The following CLPSL1 variants were observed in gnomAD, a reference collection of about 807,000 sequenced individuals.
CLPSL1 encodes colipase like 1, also known as colipase-like protein 1.
CLPSL1 carries 13 observed loss-of-function variants against 9.3 expected under a neutral mutation model. The ratio of observed to expected loss-of-function variants is 1.40; its 90% confidence interval spans 0.91 to 2.22. CLPSL1 has a LOEUF of 2.22. CLPSL1 is among the 30% of genes most tolerant of loss of function. The pLI is 0.00. For missense variants in CLPSL1, 164 were observed against 146.6 expected (o/e 1.12, Z -0.61); for synonymous variants, 58 against 56.9 (o/e 1.02, Z -0.08).
At chr6:35,781,839 G>A (rs1337615151) in intron 1 of CLPSL1, among the ~76,000 whole-genome samples, 1 of 151,108 alleles carries the variant, frequency 6.6e-6, no homozygotes, top group Non-Finnish European at 1.5e-5. Flanking sequence ...TTAGCCTCCT[G>A]AGTTCAAGCG....
chr6:35,782,494 G>C (rs1361082452), intron 1 of CLPSL1, among the ~76,000 whole-genome samples: 2 of 152,336 alleles, frequency 1.3e-5, no homozygotes, highest in Admixed American at 1.3e-4. Flanking sequence ...TGATTTCAGA[G>C]AGTCATAAGT....
At position 35,788,109 on chromosome 6, in the gene CLPSL1, G is replaced by T. The variant is rs1331390265; in HGVS notation, c.*99G>T. ...TTCCCCAGAGCCTCCACCATGAGTGGAGGGAAGTGGGGAGTGATTGAAATA... is the reference window on the plus strand; with the variant it reads ...TTCCCCAGAGCCTCCACCATGAGTGTAGGGAAGTGGGGAGTGATTGAAATA... On this transcript the variant is annotated 3_prime_UTR_variant, in exon 3 of 3. Transcript: ENST00000373861. The T allele has an allele frequency of 1.0e-6, 1 of 958,504 alleles. No individual in the cohort carries two copies. Among genetic ancestry groups the T allele is most frequent in the East Asian group, 3.0e-5 (1 of 32,826 alleles). 59.4% of individuals were successfully genotyped at this position (958,504 alleles called of 1,614,324 possible).
downstream of CLPSL1, among the ~76,000 whole-genome samples, chr6:35,791,992 A>G (rs1370027818): frequency 6.6e-6 from 1 of 151,054 alleles, no homozygotes; most frequent in Non-Finnish European, 1.5e-5. Flanking sequence ...AGGCTGATTC[A>G]GGAGAATTGC....
At chr6:35,790,926 C>A (rs373163522), downstream of CLPSL1, among the ~76,000 whole-genome samples, 5,073 of 151,098 alleles carry the variant, frequency 0.034, 10 homozygotes, top group Middle Eastern at 0.071. Context: ...CACGTGTAGT[C>A]CTAGCTACTT....
At chr6:35,790,764 G>A (rs950478200), downstream of CLPSL1, among the ~76,000 whole-genome samples, 28 of 152,246 alleles carry the variant, frequency 1.8e-4, no homozygotes, top group Non-Finnish European at 4.0e-4. Context: ...CCTGGGAGGG[G>A]GATTTATGAC....
intron 1 of CLPSL1, among the ~76,000 whole-genome samples, chr6:35,783,528 T>C (rs1457713572): frequency 6.7e-6 from 1 of 149,326 alleles, no homozygotes; most frequent in African/African-American, 2.5e-5. Flanking sequence ...AAAGGGGGGC[T>C]GGGCGCGGTG....
intron 1 of CLPSL1, among the ~76,000 whole-genome samples, chr6:35,784,758 T>C (rs1768035175): frequency 6.6e-6 from 1 of 152,182 alleles, no homozygotes. Flanking sequence ...GTATCTGAGT[T>C]ATTGGCAATG....
chr6:35,788,704 A>T (rs1768137345), downstream of CLPSL1, among the ~76,000 whole-genome samples: 1 of 152,258 alleles, frequency 6.6e-6, no homozygotes, highest in Admixed American at 6.5e-5. Flanking sequence ...GGAAGGAAGG[A>T]AGGAAGGAGA....
downstream of CLPSL1, chr6:35,793,719 C>T (rs1336671085): frequency 2.5e-6 from 1 of 400,346 alleles, no homozygotes; most frequent in Non-Finnish European, 5.1e-6. Context: ...GCAATCCTAA[C>T]TCATAAGCCT....
chr6:35,785,026 T>C (rs1311513417), intron 1 of CLPSL1, among the ~76,000 whole-genome samples: 4 of 152,120 alleles, frequency 2.6e-5, no homozygotes, highest in African/African-American at 9.7e-5. Context: ...TGTGCCTCTC[T>C]CCCCTGATTC....
At chr6:35,791,306 G>GT (rs1768203798), downstream of CLPSL1, among the ~76,000 whole-genome samples, 2 of 150,652 alleles carry the variant, frequency 1.3e-5, no homozygotes, top group South Asian at 2.1e-4. Context: ...TGAAAATATC[G>GT]TAAGTTGAAA....
chr6:35,790,686 T>A (rs1210246389), downstream of CLPSL1, among the ~76,000 whole-genome samples: 1 of 152,264 alleles, frequency 6.6e-6, no homozygotes, highest in Non-Finnish European at 1.5e-5. Context: ...GTGACCTGAC[T>A]GTTTAGGTGT....
rs780209873 is a variant in CLPSL1 at position 35,781,140 on chromosome 6, G to A, written c.30G>A (p.Leu10=). 4 of 1,614,044 alleles carry A rather than the reference G, an allele frequency of 2.5e-6. No individual in the cohort carries two copies. The South Asian group carries it at 3.3e-5, about 13-fold the overall frequency. Residue 10 remains leucine, a synonymous_variant, in exon 1 of 3, where the codon CTG becomes CTA. Coordinates refer to ENST00000373861, the MANE Select transcript of CLPSL1 (RefSeq NM_001010886.5). ...TGCTACCCCAATGGCTGCTGCTGCT[G>A]TTCCTTCTCTTCTTCTTTCTCTTCC... MMLPQWLLL[L]FLLFFFLFLL...
chr6:35,787,120 G>C lies in CLPSL1; in HGVS notation c.222G>C (p.Gln74His), dbSNP rs781695274. 6.2e-7 allele frequency: 1 copy of C among 1,611,824 alleles called. No individual in the cohort carries two copies. The highest frequency in any genetic ancestry group is 8.5e-7 in the Non-Finnish European group (1 of 1,179,544). Reference protein sequence around the residue: ...KGSEGSLCQTQVFFGQYRACP... With the variant: ...KGSEGSLCQTHVFFGQYRACP... Reference sequence around the variant, plus strand: ...CCGAGGGCAGTCTGTGTCAAACGCAGGTGGGTATCGCCGCCCGGGGGGAGC... The same window carrying C: ...CCGAGGGCAGTCTGTGTCAAACGCACGTGGGTATCGCCGCCCGGGGGGAGC... The change falls in exon 2 of 3, where the codon CAG becomes CAC. Residue 74 changes from glutamine to histidine, a missense_variant and splice_region_variant. Coordinates refer to ENST00000373861, the MANE Select transcript of CLPSL1 (RefSeq NM_001010886.5).
At chr6:35,790,453 T>G (rs1308097291), downstream of CLPSL1, among the ~76,000 whole-genome samples, 1 of 152,256 alleles carries the variant, frequency 6.6e-6, no homozygotes, top group Non-Finnish European at 1.5e-5. Context: ...GTTCAGTACT[T>G]GAAGGCCTGA....
intron 1 of CLPSL1, among the ~76,000 whole-genome samples, chr6:35,781,435 GC>G (rs570459982): frequency 3.3e-5 from 5 of 152,132 alleles, no homozygotes; most frequent in East Asian, 1.9e-4. Context: ...ATGTGAGAGA[GC>G]CCCCCTGCCC....
At chr6:35,787,631 A>G (rs1261485833) in intron 2 of CLPSL1, among the ~76,000 whole-genome samples, 1 of 152,276 alleles carries the variant, frequency 6.6e-6, no homozygotes, top group African/African-American at 2.4e-5. Context: ...GGACAGGCAG[A>G]TGGGTCAGTG....
intron 1 of CLPSL1, among the ~76,000 whole-genome samples, chr6:35,785,437 A>G (rs535107324): frequency 9.9e-4 from 151 of 151,834 alleles, no homozygotes; most frequent in African/African-American, 3.6e-3. Context: ...TCGGCCTCCC[A>G]AAGTGCTGGG....
Position 35,785,809 on chromosome 6 carries a change from G to T in CLPSL1, c.100-1189G>T, listed in dbSNP as rs535781500. Reference sequence around the variant, plus strand: ...TACAAAAAATAAAAAAATTAGCTGGGCATGGTGGTGTGTGCCTGTGGTCCC... The same window carrying T: ...TACAAAAAATAAAAAAATTAGCTGGTCATGGTGGTGTGTGCCTGTGGTCCC... On this transcript the variant is annotated intron_variant, in intron 1 of 2. Coordinates refer to ENST00000373861, the MANE Select transcript of CLPSL1 (RefSeq NM_001010886.5). Among the ~76,000 whole-genome samples the T allele has an allele frequency of 2.6e-5, 4 of 152,148 alleles. No homozygotes were observed. In the South Asian group the frequency reaches 6.2e-4, roughly 24 times the overall value.
Sources: gnomAD v4.1 joint callset for allele counts (sites outside exome capture counted in the v4.1 genomes callset) on GRCh38, gnomAD v4.1.1 for gene constraint, MANE v1.5 for transcripts, NCBI Gene and HGNC (gene_info 2026-07-23, HGNC 2026-07-21) for gene names.